The following PRDM1 variants were observed in gnomAD, a reference collection of about 807,000 sequenced individuals.
PRDM1 encodes PR/SET domain 1.
PRDM1 carries 13 observed loss-of-function variants against 62.8 expected under a neutral mutation model. That is an observed-to-expected ratio of 0.21 (90% CI 0.13 to 0.33). The LOEUF (loss-of-function observed/expected upper bound fraction) is 0.33, where lower values mean the gene tolerates loss of function less well. PRDM1 is among the 10% of genes least tolerant of loss of function. PRDM1 has a pLI of 1.00. For synonymous variants in PRDM1, 396 were observed against 417.6 expected (o/e 0.95, Z 0.63); for missense variants, 895 against 1,058.8 (o/e 0.85, Z 2.15).
intron 1 of PRDM1, among the ~76,000 whole-genome samples, chr6:106,078,855 G>A (rs1773642750): frequency 6.6e-6 from 1 of 151,978 alleles, no homozygotes. Flanking sequence ...CCCTGTCTCA[G>A]AAAAGAAATA....
At chr6:106,098,417 C>T in intron 3 of PRDM1, 1 of 985,344 alleles carries the variant, frequency 1.0e-6, no homozygotes, top group Non-Finnish European at 1.2e-6. Context: ...AGTAGTATTA[C>T]TCTAGGACAA....
At chr6:106,024,167 C>T (rs973416417) in intron 1 of PRDM1, among the ~76,000 whole-genome samples, 17 of 151,916 alleles carry the variant, frequency 1.1e-4, no homozygotes, top group African/African-American at 2.2e-4. Context: ...TCAGTGCCTA[C>T]GTGTTAATTT....
chr6:106,045,957 A>G (rs953217272), upstream of PRDM1: 1 of 152,178 alleles, frequency 6.6e-6, no homozygotes, highest in African/African-American at 2.4e-5. Flanking sequence ...GGGTGATATT[A>G]TTATAAAATA....
chr6:106,108,413 G>C lies in PRDM1; in HGVS notation c.*927G>C, dbSNP rs894149264. On this transcript the variant is annotated 3_prime_UTR_variant, in exon 7 of 7. Coordinates refer to ENST00000369096, the MANE Select transcript of PRDM1 (RefSeq NM_001198.4). ...CAGAAAATGTGAAGAAGAAAAAAAT[G>C]CCATGTTTTAAAACCACTGCGAAAA... 4 of 232,472 alleles carry C rather than the reference G, an allele frequency of 1.7e-5. No homozygotes were observed. Among genetic ancestry groups the C allele is most frequent in the Non-Finnish European group, 3.4e-5 (4 of 117,640 alleles). 14.4% of individuals were successfully genotyped at this position (232,472 alleles called of 1,614,324 possible). A position where few individuals can be genotyped will look rare whatever the true frequency, so the allele number is the denominator to read the frequency against.
chr6:106,011,831 C>G (rs1772553210), intron 1 of PRDM1, among the ~76,000 whole-genome samples: 1 of 151,950 alleles, frequency 6.6e-6, no homozygotes, highest in African/African-American at 2.4e-5. Flanking sequence ...CCCACACATT[C>G]ACACACATGC....
At chr6:106,078,645 G>A (rs573049796) in intron 1 of PRDM1, among the ~76,000 whole-genome samples, 29 of 152,336 alleles carry the variant, frequency 1.9e-4, no homozygotes, top group African/African-American at 6.7e-4. Flanking sequence ...GCCGAGGCAG[G>A]CAGATCGCTT....
chr6:105,993,671 A>T (rs1233078051), intron 1 of PRDM1, among the ~76,000 whole-genome samples: 1 of 152,214 alleles, frequency 6.6e-6, no homozygotes. Context: ...CTATTTTAGG[A>T]AACAGATTTT....
chr6:106,105,409 C>T lies in PRDM1; in HGVS notation c.1249C>T (p.Pro417Ser), dbSNP rs1016891626. Residue 417 changes from proline (P) to serine (S), a missense_variant, in exon 5 of 7, where the codon CCC (proline) becomes TCC (serine). Pro to Ser is a moderately conservative substitution (Grantham distance 74). Coordinates refer to ENST00000369096, the MANE Select transcript of PRDM1 (RefSeq NM_001198.4). ...TCACTACCCCAAGTTCCTCTTGCCC[C>T]CCTACGGCATGAATTGTAATGGCCT... ...NAHYPKFLLP[P>S]YGMNCNGLSA... 2 of 1,614,208 alleles carry T rather than the reference C, an allele frequency of 1.2e-6. No individual in the cohort carries two copies. The highest frequency in any genetic ancestry group is 2.2e-5 in the South Asian group (2 of 91,084).
chr6:106,020,200 C>A (rs1388731622), intron 1 of PRDM1, among the ~76,000 whole-genome samples: 2 of 150,716 alleles, frequency 1.3e-5, no homozygotes, highest in East Asian at 2.0e-4. Flanking sequence ...AAAAAAAACC[C>A]ACAAACAAAC....
At chr6:106,059,490 A>G (rs773795374) in intron 1 of PRDM1, among the ~76,000 whole-genome samples, 1 of 152,240 alleles carries the variant, frequency 6.6e-6, no homozygotes, top group African/African-American at 2.4e-5. Context: ...ATGAGACCCA[A>G]GAGATAGGTA....
In PRDM1 at chr6:106,068,915, C is replaced by T. The variant is rs1378894645; in HGVS notation, c.-66-19286C>T. On this transcript the variant is annotated intron_variant, in intron 1 of 6. Transcript: ENST00000651185. The stretch of plus-strand genomic sequence containing the variant: ...CCCCCATCTGTGGCCACTGTTAGGT[C>T]AGCAAGGGGCAGAGCCTTCTTCAGC... 2.6e-5 allele frequency among the ~76,000 whole-genome samples: 4 copies of T among 152,214 alleles called. No homozygotes were observed. In the East Asian group the frequency reaches 5.8e-4, roughly 22 times the overall value.
At position 106,109,157 on chromosome 6, in the gene PRDM1, C is replaced by T. The variant is rs1774610712; in HGVS notation, c.*1671C>T. On this transcript the variant is annotated 3_prime_UTR_variant, in exon 7 of 7. Transcript: ENST00000369096. ...CTTTGCTTAATACTTGGTGACCTCA[C>T]AATCACGTCGGTATGATTGGGCACC... 5.0e-6 allele frequency: 1 copy of T among 201,570 alleles called. No homozygotes were observed. The highest frequency in any genetic ancestry group is 1.0e-5 in the Non-Finnish European group (1 of 100,192). The allele number at this position is 201,570 out of a possible 1,614,324, so 12.5% of individuals were successfully genotyped here. A position where few individuals can be genotyped will look rare whatever the true frequency, so the allele number is the denominator to read the frequency against.
intron 1 of PRDM1, among the ~76,000 whole-genome samples, chr6:106,001,630 A>G (rs753384164): frequency 2.0e-5 from 3 of 152,156 alleles, no homozygotes; most frequent in African/African-American, 4.8e-5. Flanking sequence ...TGCCATCTCT[A>G]TCATGTATCA....
Position 106,088,315 on chromosome 6 carries a change from G to C in PRDM1, c.157G>C (p.Glu53Gln). ...GGATATGACTCTGTGGACAGAGGCT[G>C]AGTTTGAAGAGAAGTGTACATACAT... Reference protein sequence around the residue: ...DADMTLWTEAEFEEKCTYIVN... With the variant: ...DADMTLWTEAQFEEKCTYIVN... Residue 53 changes from glutamate (E) to glutamine (Q), a missense_variant, in exon 2 of 7, where the codon GAG (glutamate) becomes CAG (glutamine). Transcript: ENST00000369096. The C allele has an allele frequency of 6.2e-7, 1 of 1,614,164 alleles. No individual in the cohort carries two copies. Among genetic ancestry groups the C allele is most frequent in the South Asian group, 1.1e-5 (1 of 91,080 alleles).
At chr6:106,099,666 G>C (rs1774212246) in intron 4 of PRDM1, 114 bp downstream of exon 4, 2 of 1,431,408 alleles carry the variant, frequency 1.4e-6, no homozygotes, top group African/African-American at 2.9e-5. Context: ...GGATGAAGTA[G>C]GTGGCTTAAG....
At chr6:106,094,436 TTGG>T (rs1192980922) in intron 2 of PRDM1, among the ~76,000 whole-genome samples, 1 of 152,112 alleles carries the variant, frequency 6.6e-6, no homozygotes, top group African/African-American at 2.4e-5. Flanking sequence ...TGATTCACGG[TTGG>T]TGATTTTTTT....
rs778030573 is a variant in PRDM1, at chr6:106,104,880, A to T, written c.720A>T (p.Pro240=). ...GCACTGAGAAAAATGAACTCTGCCC[A>T]AAGAATGTCCCAAAGAGAGAGTACA... ...QPSTEKNELC[P]KNVPKREYSV... The change falls in exon 5 of 7, where the codon CCA becomes CCT. Residue 240 remains proline (P), a synonymous_variant. Coordinates refer to ENST00000369096, the MANE Select transcript of PRDM1 (RefSeq NM_001198.4). 24 of 1,614,042 alleles carry T rather than the reference A, an allele frequency of 1.5e-5. No homozygotes were observed. In the Middle Eastern group the frequency reaches 8.2e-4, roughly 55 times the overall value.
upstream of PRDM1, among the ~76,000 whole-genome samples, chr6:106,081,343 A>G (rs1285074681): frequency 3.3e-5 from 5 of 152,022 alleles, no homozygotes; most frequent in African/African-American, 1.2e-4. Flanking sequence ...CCATTACAGA[A>G]CCCTGAGCTT....
intron 1 of PRDM1, among the ~76,000 whole-genome samples, chr6:106,072,429 C>T (rs573855871): frequency 2.7e-4 from 41 of 152,328 alleles, no homozygotes; most frequent in Non-Finnish European, 4.4e-4. Context: ...GTGTGCCTCA[C>T]CTGAGACTAA....
Sources: allele counts gnomAD v4.1 joint callset (sites outside exome capture counted in the v4.1 genomes callset), GRCh38; gene constraint gnomAD v4.1.1; transcripts MANE v1.5; gene names NCBI Gene and HGNC (gene_info 2026-07-23, HGNC 2026-07-21).